The following MAP2K5 variants were observed in gnomAD, a reference collection of about 807,000 sequenced individuals.
MAP2K5 encodes mitogen-activated protein kinase kinase 5, also known as dual specificity mitogen-activated protein kinase kinase 5.
A neutral mutation model predicts 83.1 loss-of-function variants in MAP2K5; 49 were observed. That is an observed-to-expected ratio of 0.59 (90% confidence interval 0.47 to 0.75). The LOEUF (loss-of-function observed/expected upper bound fraction) is 0.75, where lower values mean the gene tolerates loss of function less well. Among genes scored for constraint, MAP2K5 ranks in the 30% least tolerant of loss-of-function variants. The probability of loss-of-function intolerance (pLI) is 0.00; values close to 1 mark genes in which losing one functional copy is unlikely to be tolerated. For missense variants in MAP2K5, 457 were observed against 557.5 expected (o/e 0.82, Z 1.82); for synonymous variants, 202 against 191.8 (o/e 1.05, Z -0.44).
rs1162709715 is a variant in MAP2K5, at chr15:67,610,804, TAAAA to T, written c.545+10059_545+10062del. Reference sequence around the variant, plus strand: ...GTGGGTATTAAGCATTAAATTTTTTTAAAAAAACATTAATTTGCTTTTTAAATGT... The same window carrying T: ...GTGGGTATTAAGCATTAAATTTTTTTAAACATTAATTTGCTTTTTAAATGT... On this transcript the variant is annotated intron_variant, in intron 8 of 21. Transcript: ENST00000178640. Among the ~76,000 whole-genome samples the T allele has an allele frequency of 2.0e-5, 3 of 152,162 alleles. No individual in the cohort carries two copies. In the East Asian group the frequency reaches 5.8e-4, roughly 29 times the overall value.
chr15:67,570,435 G>C (rs1398620149), intron 3 of MAP2K5, among the ~76,000 whole-genome samples: 2 of 152,304 alleles, frequency 1.3e-5, no homozygotes, highest in African/African-American at 4.8e-5. Flanking sequence ...GGAAAAGCTT[G>C]TACACATTGT....
chr15:67,783,254 C>T lies in MAP2K5; in HGVS notation c.1242+10502C>T, dbSNP rs2090359909. Among the ~76,000 whole-genome samples, 1 of 152,182 alleles carries T rather than the reference C, an allele frequency of 6.6e-6. No homozygotes were observed. ...GTCCAGTGAGGAAGGTGAGGGTAGA[C>T]ACAGCCAAGCACAGGATAGAATGTG... is the stretch of plus-strand genomic sequence containing the variant. On this transcript the variant is annotated intron_variant, in intron 21 of 21. Coordinates refer to ENST00000178640, the MANE Select transcript of MAP2K5 (RefSeq NM_145160.3). This position sits in a 1 kb window ranked among gnomAD's most constrained non-coding sequence, Gnocchi z 5.1.
At chr15:67,728,792 A>G (rs1056620723) in intron 17 of MAP2K5, among the ~76,000 whole-genome samples, 3 of 152,222 alleles carry the variant, frequency 2.0e-5, no homozygotes, top group Admixed American at 2.0e-4. Flanking sequence ...ACACATACTA[A>G]TTTATGCATG....
chr15:67,690,105 G>C lies in MAP2K5; in HGVS notation c.848-2374G>C, dbSNP rs1472230651. Among the ~76,000 whole-genome samples the C allele has an allele frequency of 6.6e-6, 1 of 152,020 alleles. No homozygotes were observed. The highest frequency in any genetic ancestry group is 1.5e-5 in the Non-Finnish European group (1 of 68,026). Reference sequence around the variant, plus strand: ...CAGTTCTTCTTCCAATGTGGCCCAGGGAAGCCAAAAGATTGTACACCCCTA... The same window carrying C: ...CAGTTCTTCTTCCAATGTGGCCCAGCGAAGCCAAAAGATTGTACACCCCTA... On this transcript the variant is annotated intron_variant, in intron 13 of 21. Coordinates refer to ENST00000178640, the MANE Select transcript of MAP2K5 (RefSeq NM_145160.3). This position sits in a 1 kb window ranked among gnomAD's most constrained non-coding sequence, Gnocchi z 4.3.
At chr15:67,571,244 CA>C (rs1324395424) in intron 3 of MAP2K5, among the ~76,000 whole-genome samples, 1 of 152,150 alleles carries the variant, frequency 6.6e-6, no homozygotes, top group Non-Finnish European at 1.5e-5. Context: ...TGCAGCATTT[CA>C]CCAGCTTCAA....
intron 13 of MAP2K5, among the ~76,000 whole-genome samples, chr15:67,686,271 CAGAT>C (rs965816858): frequency 5.9e-5 from 9 of 152,058 alleles, no homozygotes; most frequent in African/African-American, 2.2e-4. Context: ...ATTATAATGA[CAGAT>C]ATATCATCCA....
chr15:67,546,687 A>G (rs2084394856), intron 1 of MAP2K5: 2 of 857,222 alleles, frequency 2.3e-6, no homozygotes, highest in Non-Finnish European at 2.8e-6. Flanking sequence ...AGGTCTGGTT[A>G]GTGTGTGATG....
rs941529069 is a variant in MAP2K5 at position 67,781,952 on chromosome 15, G to T, written c.1242+9200G>T. ...GGCTGTGCTGAAACATTTTTAATTG[G>T]ATTTTCATGGTGATTGACAGCATTT... On this transcript the variant is annotated intron_variant, in intron 21 of 21. Transcript: ENST00000178640. The surrounding 1 kb of genome is among the most constrained non-coding windows in gnomAD (Gnocchi z 4.0). Among the ~76,000 whole-genome samples the T allele has an allele frequency of 1.3e-5, 2 of 152,178 alleles. No homozygotes were observed. The highest frequency in any genetic ancestry group is 2.9e-5 in the Non-Finnish European group (2 of 68,028).
At chr15:67,653,029 A>G (rs1450376781) in intron 11 of MAP2K5, among the ~76,000 whole-genome samples, 1 of 152,150 alleles carries the variant, frequency 6.6e-6, no homozygotes, top group African/African-American at 2.4e-5. Flanking sequence ...CAATCTCTTT[A>G]TATACTGGTT....
At chr15:67,568,803 G>A (rs867404290) in intron 3 of MAP2K5, among the ~76,000 whole-genome samples, 2 of 151,726 alleles carry the variant, frequency 1.3e-5, no homozygotes, top group South Asian at 2.1e-4. Flanking sequence ...TCAAGAGATC[G>A]TGACCATCCT....
At chr15:67,558,023 A>C (rs1207050508) in intron 2 of MAP2K5, among the ~76,000 whole-genome samples, 1 of 152,174 alleles carries the variant, frequency 6.6e-6, no homozygotes, top group African/African-American at 2.4e-5. Flanking sequence ...AATTTGTTGA[A>C]ATTTTGGCTG....
At chr15:67,547,898 G>C (rs2084429056) in intron 1 of MAP2K5, among the ~76,000 whole-genome samples, 1 of 152,194 alleles carries the variant, frequency 6.6e-6, no homozygotes, top group African/African-American at 2.4e-5. Context: ...AAAATGACTA[G>C]TAGATATTAC....
At chr15:67,593,034 T>C in intron 7 of MAP2K5, 60 bp downstream of exon 7, 2 of 1,105,840 alleles carry the variant, frequency 1.8e-6, no homozygotes, top group Non-Finnish European at 2.7e-6. Context: ...GTCCAGTTTT[T>C]GTATCCATAA....
intron 8 of MAP2K5, among the ~76,000 whole-genome samples, chr15:67,603,092 A>C (rs1030196338): frequency 9.3e-5 from 11 of 117,760 alleles, no homozygotes; most frequent in Admixed American, 4.8e-4. Context: ...CACATAACTC[A>C]AGTTAACATT....
At chr15:67,692,223 G>A (rs2088131290) in intron 13 of MAP2K5, among the ~76,000 whole-genome samples, 1 of 152,086 alleles carries the variant, frequency 6.6e-6, no homozygotes, top group African/African-American at 2.4e-5. Flanking sequence ...TGTAAGCCAA[G>A]GTTTGATTTC....
chr15:67,673,980 C>A (rs756154237), intron 13 of MAP2K5, among the ~76,000 whole-genome samples: 26 of 152,106 alleles, frequency 1.7e-4, no homozygotes, highest in Non-Finnish European at 3.5e-4. Context: ...TTCCAAGTAG[C>A]TGGGAGTACA....
At chr15:67,706,735 G>A (rs1311680015) in intron 16 of MAP2K5, among the ~76,000 whole-genome samples, 1 of 152,154 alleles carries the variant, frequency 6.6e-6, no homozygotes, top group Non-Finnish European at 1.5e-5. Context: ...ACCAACACAA[G>A]TAATAGACCA....
chr15:67,771,838 A>G (rs1205969166), intron 20 of MAP2K5, among the ~76,000 whole-genome samples: 3 of 152,214 alleles, frequency 2.0e-5, no homozygotes, highest in Non-Finnish European at 4.4e-5. Context: ...CCTTATAAAG[A>G]AAAAAGCATC....
chr15:67,612,296 C>A (rs529264418), intron 8 of MAP2K5, among the ~76,000 whole-genome samples: 17 of 152,178 alleles, frequency 1.1e-4, no homozygotes, highest in African/African-American at 4.1e-4. Flanking sequence ...GAGAATAACA[C>A]CTTCCCTTGA....
Sources: allele counts gnomAD v4.1 joint callset (sites outside exome capture counted in the v4.1 genomes callset), GRCh38; gene constraint gnomAD v4.1.1; non-coding constraint Gnocchi (gnomAD v3.1); transcripts MANE v1.5; gene names NCBI Gene and HGNC (gene_info 2026-07-23, HGNC 2026-07-21).